ESRRB: variants seen among roughly 807,000 people sequenced by gnomAD.
The protein encoded by ESRRB is estrogen related receptor beta.
A neutral mutation model predicts 46.0 loss-of-function variants in ESRRB; 16 were observed. That is an observed-to-expected ratio of 0.35 (90% CI 0.24 to 0.53). The LOEUF (loss-of-function observed/expected upper bound fraction) is 0.53. ESRRB is among the 20% of genes least tolerant of loss of function. The pLI, the probability that ESRRB is intolerant of heterozygous loss-of-function variation, is 0.93. For missense variants in ESRRB, 488 were observed against 607.4 expected, an observed-to-expected ratio of 0.80 and a Z score of 2.07; for synonymous variants, 246 against 259.6, an observed-to-expected ratio of 0.95 and a Z score of 0.50.
At chr14:76,332,692 T>C (rs1467141118) in intron 1 of ESRRB, among the ~76,000 whole-genome samples, 1 of 42,806 alleles carries the variant, frequency 2.3e-5, no homozygotes, top group Non-Finnish European at 3.8e-5. Context: ...TATATTTATA[T>C]ATTTATATAT....
rs1452677988 is a variant in ESRRB at position 76,498,580 on chromosome 14, AG to A, written c.*124del. 1 of 1,286,566 alleles carries A rather than the reference AG, an allele frequency of 7.8e-7. No individual in the cohort carries two copies. The highest frequency in any genetic ancestry group is 2.6e-5 in the Admixed American group (1 of 39,080). 79.7% of individuals were successfully genotyped at this position (1,286,566 alleles called of 1,614,324 possible). ...GTATCATGGCTCTGAGCTGTCCCAG[AG>A]GCGGGGGTTTCTCACCTCCTGGCTG... On this transcript the variant is annotated 3_prime_UTR_variant, in exon 7 of 7. Coordinates refer to ENST00000644823, the MANE Select transcript of ESRRB (RefSeq NM_001379180.1).
At chr14:76,442,055 G>A (rs1315892879) in intron 2 of ESRRB, among the ~76,000 whole-genome samples, 3 of 152,212 alleles carry the variant, frequency 2.0e-5, no homozygotes, top group African/African-American at 7.2e-5. Flanking sequence ...TTCCACATAT[G>A]AGTTGAGATG....
intron 1 of ESRRB, among the ~76,000 whole-genome samples, chr14:76,321,780 G>A (rs537462230): frequency 1.3e-5 from 2 of 152,202 alleles, no homozygotes; most frequent in South Asian, 2.1e-4. Context: ...CTTCCCATTC[G>A]GGAGGCTGAG....
At position 76,482,661 on chromosome 14, in the gene ESRRB, CT is replaced by C; in HGVS notation, c.753del (p.Gly252ValfsTer10). 1 of 1,614,196 alleles carries C rather than the reference CT, an allele frequency of 6.2e-7. No individual in the cohort carries two copies. The highest frequency in any genetic ancestry group is 8.5e-7 in the Non-Finnish European group (1 of 1,180,034). Reference sequence around the variant, plus strand: ...GACAAGCTCTATGCCATGCCTCCCCCTGGTATGCCTGAGGGGGACATCAAGG... The same window carrying C: ...GACAAGCTCTATGCCATGCCTCCCCCGGTATGCCTGAGGGGGACATCAAGG... ...EPDKLYAMPP[P>X]GMPEGDIKAL... On this transcript the variant is annotated frameshift_variant, in exon 5 of 7. Transcript: ENST00000644823. LOFTEE classifies it high-confidence loss of function. This position sits in a 1 kb window ranked among gnomAD's most constrained non-coding sequence, Gnocchi z 4.3.
chr14:76,479,807 T>G (rs191346572), intron 3 of ESRRB, among the ~76,000 whole-genome samples: 2 of 152,186 alleles, frequency 1.3e-5, no homozygotes, highest in African/African-American at 4.8e-5. Context: ...TTCTCAGATA[T>G]CCATTGAGGG....
In ESRRB at chr14:76,501,080, G is replaced by C; in HGVS notation, c.*2622G>C. 1 of 329,708 alleles carries C rather than the reference G, an allele frequency of 3.0e-6. No homozygotes were observed. The highest frequency in any genetic ancestry group is 4.9e-5 in the South Asian group (1 of 20,480). The allele number at this position is 329,708 out of a possible 1,614,324, so 20.4% of individuals were successfully genotyped here. ...AGTGGAAGGTGGTGAAGTGAGGAGA[G>C]TTTAGGGGAACCTTCCCCCAGTGGA... On this transcript the variant is annotated 3_prime_UTR_variant, in exon 7 of 7. Coordinates refer to ENST00000644823, the MANE Select transcript of ESRRB (RefSeq NM_001379180.1).
rs146351534 is a variant in ESRRB at position 76,498,393 on chromosome 14, G to A, written c.1300G>A (p.Val434Ile). 20,654 of 1,613,450 alleles carry A rather than the reference G, an allele frequency of 0.013. 201 individuals are homozygous for A. Among genetic ancestry groups the A allele is most frequent in the Non-Finnish European group, 0.015 (17,659 of 1,179,930 alleles). Residue 434 changes from valine to isoleucine, a missense_variant, in exon 7 of 7, where the codon GTC (valine) becomes ATC (isoleucine). Val to Ile is a conservative substitution (Grantham distance 29, BLOSUM62 3). Coordinates refer to ENST00000644823, the MANE Select transcript of ESRRB (RefSeq NM_001379180.1). Reference protein sequence around the residue: ...AAKAVQHFYSVKLQGKVPMHK... With the variant: ...AAKAVQHFYSIKLQGKVPMHK... ...CAAGGCCGTGCAGCACTTCTATAGC[G>A]TCAAACTGCAGGGCAAAGTGCCCAT...
At chr14:76,439,922 G>A (rs1887847928) in intron 2 of ESRRB, among the ~76,000 whole-genome samples, 172 bp downstream of exon 2, 1 of 152,126 alleles carries the variant, frequency 6.6e-6, no homozygotes, top group Admixed American at 6.5e-5. Flanking sequence ...TCTGGCACTG[G>A]ACAGCTGCAA....
chr14:76,354,714 TTTTTTTTTTC>T (rs1435830151), intron 1 of ESRRB, among the ~76,000 whole-genome samples: 1 of 136,516 alleles, frequency 7.3e-6, no homozygotes, highest in Non-Finnish European at 1.7e-5. Flanking sequence ...GGCTTTTTTT[TTTTTTTTTTC>T]TTTGAAATGA....
At chr14:76,325,225 G>A (rs1247291991) in intron 1 of ESRRB, among the ~76,000 whole-genome samples, 1 of 152,076 alleles carries the variant, frequency 6.6e-6, no homozygotes, top group Non-Finnish European at 1.5e-5. Context: ...CAAAGTGCTG[G>A]GATTACAGGC....
chr14:76,501,321 T>C lies in ESRRB; in HGVS notation c.*2863T>C, dbSNP rs2140070027. On this transcript the variant is annotated 3_prime_UTR_variant, in exon 7 of 7. Coordinates refer to ENST00000644823, the MANE Select transcript of ESRRB (RefSeq NM_001379180.1). ...TTTCCAGACTGGCTTTGTCACTTTGTGAACTCGTCATGTGTGAAAACCAAT... is the reference window on the plus strand; with the variant it reads ...TTTCCAGACTGGCTTTGTCACTTTGCGAACTCGTCATGTGTGAAAACCAAT... 1 of 153,204 alleles carries C rather than the reference T, an allele frequency of 6.5e-6. No homozygotes were observed. Among genetic ancestry groups the C allele is most frequent in the Middle Eastern group, 3.4e-3 (1 of 294 alleles). 9.5% of individuals were successfully genotyped at this position (153,204 alleles called of 1,614,324 possible).
chr14:76,441,937 C>A (rs1345814777), intron 2 of ESRRB, among the ~76,000 whole-genome samples: 1 of 152,172 alleles, frequency 6.6e-6, no homozygotes, highest in East Asian at 1.9e-4. Flanking sequence ...GCTAAGCTTC[C>A]CCGGGATGAT....
intron 1 of ESRRB, among the ~76,000 whole-genome samples, chr14:76,410,986 G>A (rs888999744): frequency 2.0e-5 from 3 of 151,632 alleles, no homozygotes; most frequent in Non-Finnish European, 4.4e-5. Context: ...GTTTTGCCTT[G>A]TTGACCAGTC....
chr14:76,372,322 C>T (rs1481246073), upstream of ESRRB, among the ~76,000 whole-genome samples: 1 of 152,170 alleles, frequency 6.6e-6, no homozygotes, highest in East Asian at 1.9e-4. Flanking sequence ...TGGAGCATTG[C>T]TTACTGTAGG....
chr14:76,467,551 A>G (rs1889171962), intron 3 of ESRRB, among the ~76,000 whole-genome samples: 1 of 150,942 alleles, frequency 6.6e-6, no homozygotes, highest in African/African-American at 2.4e-5. Flanking sequence ...AGACAACCTC[A>G]TTTACACTCA....
At chr14:76,378,388 G>A (rs1269030895) in intron 1 of ESRRB, among the ~76,000 whole-genome samples, 1 of 152,236 alleles carries the variant, frequency 6.6e-6, no homozygotes, top group Non-Finnish European at 1.5e-5. Context: ...CAGGGAAGCA[G>A]CAGAAGGAAG....
intron 1 of ESRRB, among the ~76,000 whole-genome samples, chr14:76,363,923 G>A (rs1290749542): frequency 6.6e-6 from 1 of 152,182 alleles, no homozygotes; most frequent in South Asian, 2.1e-4. Flanking sequence ...CTTATCCCCA[G>A]AGCTTCAATT....
At chr14:76,455,042 C>T (rs143474659) in intron 2 of ESRRB, among the ~76,000 whole-genome samples, 2,226 of 104,264 alleles carry the variant, frequency 0.021, 50 homozygotes, top group African/African-American at 0.074. Context: ...CATGGTGAAA[C>T]CCCGTCTCTA....
At chr14:76,462,745 G>A (rs1259514006) in intron 3 of ESRRB, 84 bp downstream of exon 3, 5 of 1,025,568 alleles carry the variant, frequency 4.9e-6, no homozygotes, top group African/African-American at 4.7e-5. Context: ...CCCACAAGCT[G>A]TGGACCTGTG....
Sources: allele counts gnomAD v4.1 joint callset (sites outside exome capture counted in the v4.1 genomes callset), GRCh38; gene constraint gnomAD v4.1.1; non-coding constraint Gnocchi (gnomAD v3.1); transcripts MANE v1.5; gene names NCBI Gene and HGNC (gene_info 2026-07-23, HGNC 2026-07-21).